The following ANKS1A variants were observed in gnomAD, a reference collection of about 807,000 sequenced individuals.
ANKS1A encodes ankyrin repeat and sterile alpha motif domain containing 1A.
In ANKS1A, 55 loss-of-function variants were observed where a neutral mutation model predicts 120.3. The ratio of observed to expected loss-of-function variants is 0.46; its 90% CI spans 0.37 to 0.57. The LOEUF (loss-of-function observed/expected upper bound fraction) is 0.57. Among genes scored for constraint, ANKS1A ranks in the 20% least tolerant of loss-of-function variants. The pLI, the probability that ANKS1A is intolerant of heterozygous loss-of-function variation, is 0.00. For missense variants in ANKS1A, 1,123 were observed against 1,480.3 expected (o/e 0.76, Z 3.96); for synonymous variants, 590 against 604.7 (o/e 0.98, Z 0.36).
chr6:34,899,720 A>T (rs1767254611), intron 1 of ANKS1A, among the ~76,000 whole-genome samples: 1 of 152,220 alleles, frequency 6.6e-6, no homozygotes, highest in Admixed American at 6.5e-5. Context: ...TTAGAACTTT[A>T]ACTCTTTGCT....
At chr6:35,092,144 G>A (rs551608832), downstream of ANKS1A, among the ~76,000 whole-genome samples, 5 of 152,278 alleles carry the variant, frequency 3.3e-5, no homozygotes, top group East Asian at 9.7e-4. Context: ...GCAGGGCCCA[G>A]GGCCTCTATT....
At position 35,044,279 on chromosome 6, in the gene ANKS1A, G is replaced by T. The variant is rs1775612184; in HGVS notation, c.2011-9820G>T. Among the ~76,000 whole-genome samples the T allele has an allele frequency of 6.6e-6, 1 of 152,236 alleles. No homozygotes were observed. Among genetic ancestry groups the T allele is most frequent in the African/African-American group, 2.4e-5 (1 of 41,462 alleles). ...TCGCTGGCAGATCACTTAAGCGGAGGTCAATAACAGGTTTGCCAGGTAGGT... is the reference window on the plus strand; with the variant it reads ...TCGCTGGCAGATCACTTAAGCGGAGTTCAATAACAGGTTTGCCAGGTAGGT... On this transcript the variant is annotated intron_variant, in intron 11 of 23. Transcript: ENST00000360359. The surrounding 1 kb of genome is among the most constrained non-coding windows in gnomAD (Gnocchi z 4.4).
At chr6:34,912,763 T>TA (rs1236148897) in intron 1 of ANKS1A, among the ~76,000 whole-genome samples, 1 of 152,220 alleles carries the variant, frequency 6.6e-6, no homozygotes. Flanking sequence ...AAGAAAATGA[T>TA]ACATTTTGGA....
rs1487618909 is a variant in ANKS1A, at chr6:34,889,501, GGGCGGCGGCGGCGGTGGCTCTGGGGGC to G, written c.112_138del (p.Gly38_Gly46del). 22 of 1,276,934 alleles carry G rather than the reference GGGCGGCGGCGGCGGTGGCTCTGGGGGC, an allele frequency of 1.7e-5. No individual in the cohort carries two copies. The highest frequency in any genetic ancestry group is 2.0e-5 in the Non-Finnish European group (20 of 1,020,708). 79.1% of individuals were successfully genotyped at this position (1,276,934 alleles called of 1,614,324 possible). A position where few individuals can be genotyped will look rare whatever the true frequency, so the allele number is the denominator to read the frequency against. ...GGAAGCGGCTCTCCTCAGGCTTTGGGGGCGGCGGCGGCGGTGGCTCTGGGGGCGGCGGCGGCGGCAGCGGCGGCGGCG... is the reference window on the plus strand; with the variant it reads ...GGAAGCGGCTCTCCTCAGGCTTTGGGGGCGGCGGCGGCAGCGGCGGCGGCG... On this transcript the variant is annotated inframe_deletion, in exon 1 of 24. Coordinates refer to ENST00000360359, the MANE Select transcript of ANKS1A (RefSeq NM_015245.3). The surrounding 1 kb of genome is among the most constrained non-coding windows in gnomAD (Gnocchi z 5.5).
chr6:34,902,523 C>T (rs1767404798), intron 1 of ANKS1A, among the ~76,000 whole-genome samples: 1 of 152,186 alleles, frequency 6.6e-6, no homozygotes, highest in Non-Finnish European at 1.5e-5. Flanking sequence ...GCTGGGTTTA[C>T]AGGCGTGAGC....
intron 1 of ANKS1A, among the ~76,000 whole-genome samples, chr6:34,917,501 T>G (rs908589708): frequency 1.3e-5 from 2 of 152,218 alleles, no homozygotes; most frequent in African/African-American, 4.8e-5. Flanking sequence ...TAGATTCAAC[T>G]TGATGTTATA....
In ANKS1A at chr6:35,090,405, G is replaced by A. The variant is rs866837541; in HGVS notation, c.*1796G>A. ...ATCCAAGTGGGCCTCTGTCGGGGGCGGGGCGGTAGGTCCGAAAGAAACCGC... is the reference window on the plus strand; with the variant it reads ...ATCCAAGTGGGCCTCTGTCGGGGGCAGGGCGGTAGGTCCGAAAGAAACCGC... On this transcript the variant is annotated 3_prime_UTR_variant, in exon 24 of 24. Coordinates refer to ENST00000360359, the MANE Select transcript of ANKS1A (RefSeq NM_015245.3). The A allele has an allele frequency of 1.6e-5, 19 of 1,206,714 alleles. No homozygotes were observed. The highest frequency in any genetic ancestry group is 5.8e-5 in the East Asian group (1 of 17,274). The allele number at this position is 1,206,714 out of a possible 1,614,324, so 74.8% of individuals were successfully genotyped here. A position where few individuals can be genotyped will look rare whatever the true frequency, so the allele number is the denominator to read the frequency against.
intron 11 of ANKS1A, among the ~76,000 whole-genome samples, chr6:35,025,109 T>C (rs1218897049): frequency 3.3e-5 from 5 of 152,092 alleles, no homozygotes; most frequent in Non-Finnish European, 7.4e-5. Context: ...TATATTTCCA[T>C]TGGCTTTAGG....
At chr6:34,952,799 T>C (rs964743309) in intron 1 of ANKS1A, among the ~76,000 whole-genome samples, 8 of 151,386 alleles carry the variant, frequency 5.3e-5, no homozygotes, top group African/African-American at 1.5e-4. Context: ...AACCTCCACC[T>C]CCCGGGTTCA....
chr6:34,959,910 T>C (rs991878634), intron 1 of ANKS1A, among the ~76,000 whole-genome samples: 2 of 152,176 alleles, frequency 1.3e-5, no homozygotes, highest in African/African-American at 4.8e-5. Context: ...GTGCCTCCCC[T>C]TGTTTTGAAA....
At position 35,038,641 on chromosome 6, in the gene ANKS1A, G is replaced by A. The variant is rs930703621; in HGVS notation, c.2011-15458G>A. On this transcript the variant is annotated intron_variant, in intron 11 of 23. Coordinates refer to ENST00000360359, the MANE Select transcript of ANKS1A (RefSeq NM_015245.3). Reference sequence around the variant, plus strand: ...GGACTATAGGCGTGCGCCACCATGCGCGGCTGTTTTTGTTTTTGTTTTTTT... The same window carrying A: ...GGACTATAGGCGTGCGCCACCATGCACGGCTGTTTTTGTTTTTGTTTTTTT... Among the ~76,000 whole-genome samples, 4 of 151,866 alleles carry A rather than the reference G, an allele frequency of 2.6e-5. No homozygotes were observed. In the East Asian group the frequency reaches 5.8e-4, roughly 22 times the overall value.
At chr6:34,984,325 G>T (rs1167864998) in intron 7 of ANKS1A, among the ~76,000 whole-genome samples, 1 of 152,092 alleles carries the variant, frequency 6.6e-6, no homozygotes. Context: ...AATAAAGAAG[G>T]CTAGAAAAAC....
chr6:34,955,292 A>G (rs1299041984), intron 1 of ANKS1A, among the ~76,000 whole-genome samples: 1 of 151,842 alleles, frequency 6.6e-6, no homozygotes, highest in Middle Eastern at 3.2e-3. Context: ...GCCCACCACC[A>G]CACCCAGCTA....
intron 1 of ANKS1A, among the ~76,000 whole-genome samples, chr6:34,952,589 A>G (rs1461250641): frequency 6.6e-6 from 1 of 152,226 alleles, no homozygotes; most frequent in Non-Finnish European, 1.5e-5. Context: ...ATCACAAAAG[A>G]AACTTTGCTT....
At chr6:35,017,413 A>T (rs1774079217) in intron 10 of ANKS1A, 60 bp from the exon 11 acceptor site, 1 of 1,523,514 alleles carries the variant, frequency 6.6e-7, no homozygotes, top group Admixed American at 2.0e-5. Context: ...CTGCATTGGA[A>T]CTTTGTTGAT....
Position 35,082,640 on chromosome 6 carries a change from A to AGGAG in ANKS1A, c.2710-51_2710-50insGGAG. 3.2e-6 allele frequency: 5 copies of AGGAG among 1,555,744 alleles called. No individual in the cohort carries two copies. In the Admixed American group the frequency reaches 9.4e-5, roughly 29 times the overall value. ...TGTGCTGGAGCCAGGCAGCAAGCCC[A>AGGAG]TGTGCTCCTCTGGAGCAAGGAGCAG... On this transcript the variant is annotated intron_variant, in intron 17 of 23. Transcript: ENST00000360359. The surrounding 1 kb of genome is among the most constrained non-coding windows in gnomAD (Gnocchi z 4.1).
chr6:34,926,716 C>A (rs141906439), intron 1 of ANKS1A, among the ~76,000 whole-genome samples: 19 of 152,198 alleles, frequency 1.2e-4, no homozygotes, highest in Non-Finnish European at 2.2e-4. Flanking sequence ...CCTCACTCTT[C>A]CAGGAGGAGA....
chr6:35,084,635 T>C lies in ANKS1A; in HGVS notation c.3132+377T>C, dbSNP rs894214670. Among the ~76,000 whole-genome samples the C allele has an allele frequency of 5.3e-5, 8 of 152,046 alleles. No individual in the cohort carries two copies. The highest frequency in any genetic ancestry group is 1.9e-4 in the African/African-American group (8 of 41,388). On this transcript the variant is annotated intron_variant, in intron 21 of 23. Transcript: ENST00000360359. The surrounding 1 kb of genome is among the most constrained non-coding windows in gnomAD (Gnocchi z 4.8). ...AGCCACCGCCCCTGACTTTCCAGCT[T>C]TTTGGCGAGTGTTTTCTTAGGTCAG...
At chr6:34,958,624 G>A (rs1176984132) in intron 1 of ANKS1A, among the ~76,000 whole-genome samples, 1 of 152,088 alleles carries the variant, frequency 6.6e-6, no homozygotes. Flanking sequence ...TCTCTTCAGC[G>A]GCATACAGGA....
Sources: allele counts gnomAD v4.1 joint callset (sites outside exome capture counted in the v4.1 genomes callset), GRCh38; gene constraint gnomAD v4.1.1; non-coding constraint Gnocchi (gnomAD v3.1); transcripts MANE v1.5; gene names NCBI Gene and HGNC (gene_info 2026-07-23, HGNC 2026-07-21).